Variants in RIF1 observed in about 807,000 individuals in gnomAD.
RIF1 encodes the protein replication timing regulatory factor 1.
RIF1 carries 45 observed loss-of-function variants against 247.1 expected under a neutral mutation model. That is an observed-to-expected ratio of 0.18 (90% confidence interval 0.14 to 0.23). The LOEUF is 0.23. RIF1 is among the 10% of genes least tolerant of loss of function. The pLI is 1.00. For missense variants in RIF1, 2,967 were observed against 2,862.5 expected (o/e 1.04, Z -0.83); for synonymous variants, 1,087 against 978.8 (o/e 1.11, Z -2.06).
intron 9 of RIF1, chr2:151,492,346 C>T (rs1335904970): frequency 6.3e-7 from 1 of 1,589,668 alleles, no homozygotes; most frequent in African/African-American, 1.3e-5. Flanking sequence ...TTTACACATT[C>T]TGACAGGCAG....
intron 35 of RIF1, 123 bp downstream of exon 35, chr2:151,474,195 G>A (rs2048796983): frequency 1.6e-6 from 1 of 638,910 alleles, no homozygotes; most frequent in African/African-American, 1.9e-5. Flanking sequence ...TGTTTAATGT[G>A]AAGTATATGA....
chr2:151,531,421 A>G, the RIF1 span, among the ~76,000 whole-genome samples: 2 of 145,698 alleles, frequency 1.4e-5, no homozygotes, highest in South Asian at 2.1e-4. Context: ...GGCTCAAGCA[A>G]TTGTCACGCC....
chr2:151,425,704 T>G (rs1688946007), intron 8 of RIF1, among the ~76,000 whole-genome samples: 1 of 139,984 alleles, frequency 7.1e-6, no homozygotes, highest in South Asian at 2.4e-4. Flanking sequence ...TCTTACTCTG[T>G]TGCCTAGGCT....
At position 151,476,381 on chromosome 2, in the gene RIF1, C is replaced by T. The variant is rs2152557287; in HGVS notation, c.*1310C>T. Reference sequence around the variant, plus strand: ...CCAACTAATATTAGTGCCTGACTTCCCATATTTGTTTCATCTTTTTAACTG... The same window carrying T: ...CCAACTAATATTAGTGCCTGACTTCTCATATTTGTTTCATCTTTTTAACTG... On this transcript the variant is annotated 3_prime_UTR_variant, in exon 36 of 36. Transcript: ENST00000444746. The T allele has an allele frequency of 6.6e-6, 1 of 152,142 alleles. No homozygotes were observed. The highest frequency in any genetic ancestry group is 2.1e-4 in the South Asian group (1 of 4,820). 9.4% of individuals were successfully genotyped at this position (152,142 alleles called of 1,614,324 possible).
chr2:151,528,510 C>T, the RIF1 span, among the ~76,000 whole-genome samples: 3 of 152,144 alleles, frequency 2.0e-5, no homozygotes, highest in Non-Finnish European at 4.4e-5. Flanking sequence ...CACATCTGTC[C>T]TTCTATCCGT....
intron 4 of RIF1, 43 bp downstream of exon 4, chr2:151,414,962 T>TA: frequency 7.9e-7 from 1 of 1,268,006 alleles, no homozygotes; most frequent in East Asian, 2.5e-5. Flanking sequence ...GAGTATAAAG[T>TA]ATAAGTTTTA....
chr2:151,527,137 G>C, the RIF1 span: 1 of 687,700 alleles, frequency 1.5e-6, no homozygotes, highest in African/African-American at 1.8e-5. Context: ...CTTGCTACCA[G>C]AATGAGGAGA....
chr2:151,501,904 C>T (rs1430785312), intron 11 of RIF1, among the ~76,000 whole-genome samples: 1 of 152,078 alleles, frequency 6.6e-6, no homozygotes, highest in African/African-American at 2.4e-5. Context: ...ATAATACTAG[C>T]TTTCAATGAT....
In RIF1 at chr2:151,466,134, G is replaced by A. The variant is rs1235126421; in HGVS notation, c.6600+14G>A. 2.0e-6 allele frequency: 3 copies of A among 1,476,826 alleles called. No individual in the cohort carries two copies. The highest frequency in any genetic ancestry group is 1.4e-5 in the African/African-American group (1 of 70,836). 91.5% of individuals were successfully genotyped at this position (1,476,826 alleles called of 1,614,324 possible). ...CCTGTTAATAAGGTAAGGGGAATGAGGCTAAATATTAAGGAACCCAGTATT... is the reference window on the plus strand; with the variant it reads ...CCTGTTAATAAGGTAAGGGGAATGAAGCTAAATATTAAGGAACCCAGTATT... On this transcript the variant is annotated intron_variant, in intron 30 of 35. Coordinates refer to ENST00000444746, the MANE Select transcript of RIF1 (RefSeq NM_018151.5).
chr2:151,530,558 A>G, the RIF1 span: 1 of 153,858 alleles, frequency 6.5e-6, no homozygotes, highest in East Asian at 1.9e-4. Context: ...TTTACTTATC[A>G]GTATCTTTAG....
At chr2:151,491,647 G>T in intron 9 of RIF1, 1 of 1,450,262 alleles carries the variant, frequency 6.9e-7, no homozygotes, top group South Asian at 1.2e-5. Context: ...ACTAAATGGT[G>T]ATGTTTATGT....
chr2:151,514,253 G>T, the RIF1 span: 3 of 1,149,148 alleles, frequency 2.6e-6, no homozygotes, highest in South Asian at 1.3e-5. Flanking sequence ...TTTTTCTGGT[G>T]TAATTTGGCT....
the RIF1 span, chr2:151,525,129 T>A: frequency 4.1e-6 from 6 of 1,458,588 alleles, no homozygotes; most frequent in African/African-American, 8.4e-5. Context: ...CTGCTTCAAA[T>A]GGGCCCCCAA....
chr2:151,511,039 GA>G (rs1325311781), downstream of RIF1, among the ~76,000 whole-genome samples: 1 of 152,200 alleles, frequency 6.6e-6, no homozygotes, highest in African/African-American at 2.4e-5. Context: ...AGGCCTTGAG[GA>G]ACCAGCCAAA....
At position 151,479,918 on chromosome 2, in the gene RIF1, T is replaced by C. The variant is rs1176825831; in HGVS notation, c.*4847T>C. The C allele has an allele frequency of 6.6e-6, 1 of 152,232 alleles. No individual in the cohort carries two copies. Among genetic ancestry groups the C allele is most frequent in the Non-Finnish European group, 1.5e-5 (1 of 68,034 alleles). 9.4% of individuals were successfully genotyped at this position (152,232 alleles called of 1,614,324 possible). A position where few individuals can be genotyped will look rare whatever the true frequency, so the allele number is the denominator to read the frequency against. On this transcript the variant is annotated 3_prime_UTR_variant, in exon 36 of 36. Coordinates refer to ENST00000444746, the MANE Select transcript of RIF1 (RefSeq NM_018151.5). ...TGATGTCCAGTTAATAAGTATATTATGTGCCAGGCTTTACATATTGCTCTT... is the reference window on the plus strand; with the variant it reads ...TGATGTCCAGTTAATAAGTATATTACGTGCCAGGCTTTACATATTGCTCTT...
At chr2:151,492,368 T>G in intron 9 of RIF1, 1 of 1,593,680 alleles carries the variant, frequency 6.3e-7, no homozygotes, top group Non-Finnish European at 8.6e-7. Flanking sequence ...CAGCCAATCC[T>G]AAAGAATTCC....
intron 15 of RIF1, among the ~76,000 whole-genome samples, chr2:151,441,519 T>G: frequency 6.6e-6 from 1 of 152,330 alleles, no homozygotes; most frequent in Admixed American, 6.5e-5. Context: ...GAGTTTAATA[T>G]CATTAGTGAT....
At chr2:151,423,106 T>C in intron 8 of RIF1, 64 bp downstream of exon 8, 1 of 886,836 alleles carries the variant, frequency 1.1e-6, no homozygotes, top group Non-Finnish European at 1.8e-6. Flanking sequence ...TTTCTTACCT[T>C]TTCTTTGTAC....
In RIF1 at chr2:151,480,088, A is replaced by G. The variant is rs758836253; in HGVS notation, c.*5017A>G. ...TGTGGTCCTAATCATTTTTTTCTTT[A>G]CATACTAAGCCTTCCTTTCTCCAAA... On this transcript the variant is annotated 3_prime_UTR_variant, in exon 36 of 36. Coordinates refer to ENST00000444746, the MANE Select transcript of RIF1 (RefSeq NM_018151.5). 6 of 152,148 alleles carry G rather than the reference A, an allele frequency of 3.9e-5. No individual in the cohort carries two copies. The highest frequency in any genetic ancestry group is 7.4e-5 in the Non-Finnish European group (5 of 68,002). 9.4% of individuals were successfully genotyped at this position (152,148 alleles called of 1,614,324 possible). A position where few individuals can be genotyped will look rare whatever the true frequency, so the allele number is the denominator to read the frequency against.
Sources: gnomAD v4.1 joint callset for allele counts (sites outside exome capture counted in the v4.1 genomes callset) on GRCh38, gnomAD v4.1.1 for gene constraint, MANE v1.5 for transcripts, NCBI Gene and HGNC (gene_info 2026-07-23, HGNC 2026-07-21) for gene names.